Variants in BMPER observed in about 807,000 individuals in gnomAD.
BMPER encodes BMP binding endothelial regulator, also known as BMP-binding endothelial regulator protein.
In BMPER, 45 loss-of-function variants were observed where a neutral mutation model predicts 87.3. The observed-to-expected ratio is 0.52, with a 90% CI of 0.41 to 0.66. The LOEUF (loss-of-function observed/expected upper bound fraction) is 0.66, where lower values mean the gene tolerates loss of function less well. Among genes scored for constraint, BMPER ranks in the 30% least tolerant of loss-of-function variants. The pLI is 0.00. For synonymous variants in BMPER, 326 were observed against 316.2 expected, an observed-to-expected ratio of 1.03 and a Z score of -0.33; for missense variants, 784 against 867.5, an observed-to-expected ratio of 0.90 and a Z score of 1.21.
chr7:34,120,437 T>C (rs1244605005), intron 13 of BMPER, among the ~76,000 whole-genome samples: 1 of 152,192 alleles, frequency 6.6e-6, no homozygotes, highest in Non-Finnish European at 1.5e-5. Flanking sequence ...TTGCTCTCGT[T>C]GCCCAGACTG....
chr7:33,992,055 AATAG>A (rs1462994367), intron 6 of BMPER, among the ~76,000 whole-genome samples: 2 of 151,614 alleles, frequency 1.3e-5, no homozygotes, highest in Non-Finnish European at 2.9e-5. Flanking sequence ...TCAATTTTGG[AATAG>A]GTGTGGTGTG....
At chr7:34,029,849 T>A (rs373598230) in intron 6 of BMPER, among the ~76,000 whole-genome samples, 27 of 152,172 alleles carry the variant, frequency 1.8e-4, no homozygotes, top group African/African-American at 6.5e-4. Flanking sequence ...CCTGGGGAAT[T>A]TGTAGCCAGC....
At chr7:33,983,541 G>C (rs767291078) in intron 6 of BMPER, among the ~76,000 whole-genome samples, 2 of 152,116 alleles carry the variant, frequency 1.3e-5, no homozygotes, top group African/African-American at 4.8e-5. Flanking sequence ...TTTCACAATT[G>C]TTCTGCAACC....
Position 34,031,883 on chromosome 7 carries a change from CATATATATATATATATATATAT to C in BMPER, c.577-14399_577-14378del, listed in dbSNP as rs757962483. Among the ~76,000 whole-genome samples, 35 of 53,062 alleles carry C rather than the reference CATATATATATATATATATATAT, an allele frequency of 6.6e-4. 2 individuals are homozygous for C. Among genetic ancestry groups the C allele is most frequent in the South Asian group, 3.2e-3 (4 of 1,234 alleles). The allele number at this position is 53,062 out of a possible 152,430, so 34.8% of individuals were successfully genotyped here. A position where few individuals can be genotyped will look rare whatever the true frequency, so the allele number is the denominator to read the frequency against. Reference sequence around the variant, plus strand: ...GCATGGCATTTAAAATTAATTTGACCATATATATATATATATATATATATATATATATATATATATATATACA... The same window carrying C: ...GCATGGCATTTAAAATTAATTTGACCATATATATATATATATATATATACA... On this transcript the variant is annotated intron_variant, in intron 6 of 14. Transcript: ENST00000649409.
At chr7:34,089,118 G>A (rs562654012) in intron 13 of BMPER, among the ~76,000 whole-genome samples, 2 of 152,258 alleles carry the variant, frequency 1.3e-5, no homozygotes, top group East Asian at 1.9e-4. Flanking sequence ...GAACCCAAAA[G>A]TATAGTCAGA....
chr7:34,079,065 G>C lies in BMPER; in HGVS notation c.1287G>C (p.Arg429Ser). Residue 429 changes from arginine to serine, a missense_variant, in exon 12 of 15, where the codon AGG (arginine) becomes AGC (serine). Coordinates refer to ENST00000649409, the MANE Select transcript of BMPER (RefSeq NM_001365308.1). The stretch of plus-strand genomic sequence containing the variant: ...TGGAGCTGGTGCTGGGCGAGAGCAG[G>C]GTCAGCCTGCAGCAGCACCTCACCG... ...KSVELVLGES[R>S]VSLQQHLTVR... 1 of 1,614,158 alleles carries C rather than the reference G, an allele frequency of 6.2e-7. No homozygotes were observed. Among genetic ancestry groups the C allele is most frequent in the Non-Finnish European group, 8.5e-7 (1 of 1,180,020 alleles).
intron 13 of BMPER, among the ~76,000 whole-genome samples, chr7:34,121,204 C>T (rs1471429875): frequency 2.0e-5 from 3 of 152,042 alleles, no homozygotes; most frequent in Admixed American, 1.3e-4. Flanking sequence ...CTACTATCCT[C>T]TTCAAAATCT....
At chr7:34,149,964 T>A (rs983211628) in intron 14 of BMPER, among the ~76,000 whole-genome samples, 5 of 152,058 alleles carry the variant, frequency 3.3e-5, no homozygotes, top group African/African-American at 1.2e-4. Context: ...GTTAAGTAGA[T>A]AGGGAGAAGA....
At chr7:34,065,241 T>TCTCTCC (rs1788553261) in intron 11 of BMPER, among the ~76,000 whole-genome samples, 2 of 147,780 alleles carry the variant, frequency 1.4e-5, no homozygotes, top group South Asian at 2.2e-4. Context: ...TCTCTCTCTC[T>TCTCTCC]CTCTCTCCCT....
intron 6 of BMPER, among the ~76,000 whole-genome samples, chr7:34,002,740 C>T (rs1342745271): frequency 6.6e-6 from 1 of 151,666 alleles, no homozygotes; most frequent in African/African-American, 2.4e-5. Flanking sequence ...TTCCTGATGG[C>T]CTCTTATTAT....
chr7:33,964,919 A>G (rs996956102), intron 3 of BMPER, among the ~76,000 whole-genome samples: 3 of 152,140 alleles, frequency 2.0e-5, no homozygotes, highest in Non-Finnish European at 4.4e-5. Flanking sequence ...TGGTTCTCTG[A>G]TTTCCCTGCC....
intron 2 of BMPER, among the ~76,000 whole-genome samples, chr7:33,936,027 G>A (rs940272730): frequency 2.6e-5 from 4 of 152,026 alleles, no homozygotes; most frequent in African/African-American, 4.8e-5. Context: ...ACACAAGCTC[G>A]CAGGCACATA....
chr7:34,055,035 A>G (rs1788245662), intron 8 of BMPER, 128 bp from the exon 9 acceptor site: 2 of 1,332,666 alleles, frequency 1.5e-6, no homozygotes, highest in Non-Finnish European at 2.1e-6. Flanking sequence ...ATTTATTGCA[A>G]TAAATTAAAA....
At chr7:34,050,494 C>T (rs889720726) in intron 7 of BMPER, among the ~76,000 whole-genome samples, 1 of 152,136 alleles carries the variant, frequency 6.6e-6, no homozygotes, top group Middle Eastern at 3.2e-3. Context: ...GATAGGAAGA[C>T]AGCATGTTTT....
In BMPER at chr7:34,102,469, G is replaced by A. The variant is rs140525004; in HGVS notation, c.1745+16377G>A. 2.9e-3 allele frequency among the ~76,000 whole-genome samples: 446 copies of A among 152,302 alleles called. 10 individuals are homozygous for A. The highest frequency in any genetic ancestry group is 0.022 in the Admixed American group (330 of 15,292). ...CCCCACACCCAGAGTTTCTGATTCA[G>A]CGGGATGGAGGTGGGTGATGCCGCT... On this transcript the variant is annotated intron_variant, in intron 13 of 14. Transcript: ENST00000649409.
rs568900243 is a variant in BMPER at position 33,943,808 on chromosome 7, A to G, written c.319+6420A>G. ...GGATTCCCCCACTTCACACTGCAAC[A>G]TTCACACTCCTGACCCAGTTCTCTC... On this transcript the variant is annotated intron_variant, in intron 3 of 14. Coordinates refer to ENST00000649409, the MANE Select transcript of BMPER (RefSeq NM_001365308.1). 3.3e-5 allele frequency among the ~76,000 whole-genome samples: 5 copies of G among 152,230 alleles called. No homozygotes were observed. The South Asian group carries it at 1.0e-3, about 32-fold the overall frequency.
intron 12 of BMPER, among the ~76,000 whole-genome samples, chr7:34,082,588 G>A (rs544082643): frequency 5.3e-5 from 8 of 152,038 alleles, no homozygotes; most frequent in Non-Finnish European, 1.2e-4. Flanking sequence ...TTTGGGGATC[G>A]TGTTTTATGA....
intron 2 of BMPER, among the ~76,000 whole-genome samples, chr7:33,913,887 C>T (rs1309760494): frequency 6.6e-6 from 1 of 151,884 alleles, no homozygotes; most frequent in African/African-American, 2.4e-5. Context: ...TACACTGCTG[C>T]GTGATCCATT....
chr7:34,106,184 G>A (rs1200976015), intron 13 of BMPER, among the ~76,000 whole-genome samples: 2 of 152,106 alleles, frequency 1.3e-5, no homozygotes, highest in African/African-American at 2.4e-5. Context: ...CTCTTGTTGG[G>A]TTCATATTTT....
Sources: allele counts gnomAD v4.1 joint callset (sites outside exome capture counted in the v4.1 genomes callset), GRCh38; gene constraint gnomAD v4.1.1; transcripts MANE v1.5; gene names NCBI Gene and HGNC (gene_info 2026-07-23, HGNC 2026-07-21).